Variants in NSMCE2 observed in about 807,000 individuals in gnomAD.
NSMCE2 encodes the protein NSE2 SUMO ligase component of SMC5/6 complex, also known as E3 SUMO-protein ligase NSE2.
A neutral mutation model predicts 23.8 loss-of-function variants in NSMCE2; 24 were observed. The ratio of observed to expected loss-of-function variants is 1.01; its 90% confidence interval spans 0.73 to 1.42. The LOEUF is 1.42. Ranked by LOEUF, NSMCE2 falls within the 40% of genes most tolerant of loss-of-function variation. NSMCE2 has a pLI of 0.00. For synonymous variants in NSMCE2, 92 were observed against 94.1 expected, an observed-to-expected ratio of 0.98 and a Z score of 0.13; for missense variants, 284 against 296.5, an observed-to-expected ratio of 0.96 and a Z score of 0.31.
intron 3 of NSMCE2, among the ~76,000 whole-genome samples, chr8:125,105,791 C>T (rs1433183650): frequency 2.0e-5 from 3 of 152,130 alleles, no homozygotes; most frequent in Non-Finnish European, 4.4e-5. Context: ...CTTAGTTTGT[C>T]AACCCCTGCT....
In NSMCE2 at chr8:125,104,036, G is replaced by A. The variant is rs1248102919; in HGVS notation, c.157+1549G>A. On this transcript the variant is annotated intron_variant, in intron 3 of 7. Coordinates refer to ENST00000287437, the MANE Select transcript of NSMCE2 (RefSeq NM_173685.4). Reference sequence around the variant, plus strand: ...CCGGAATTTTGCTCTTGTTGCCCAGGCTGGAGTGCAATGGTGCGATCTCGG... The same window carrying A: ...CCGGAATTTTGCTCTTGTTGCCCAGACTGGAGTGCAATGGTGCGATCTCGG... 8.0e-5 allele frequency among the ~76,000 whole-genome samples: 12 copies of A among 150,616 alleles called. No homozygotes were observed. In the East Asian group the frequency reaches 2.1e-3, roughly 27 times the overall value.
At position 125,182,264 on chromosome 8, in the gene NSMCE2, A is replaced by G; in HGVS notation, c.418+8A>G. 1.3e-6 allele frequency: 2 copies of G among 1,595,798 alleles called. No homozygotes were observed. Among genetic ancestry groups the G allele is most frequent in the Non-Finnish European group, 1.7e-6 (2 of 1,172,158 alleles). On this transcript the variant is annotated splice_region_variant and intron_variant, in intron 5 of 7. Coordinates refer to ENST00000287437, the MANE Select transcript of NSMCE2 (RefSeq NM_173685.4). ...AAGAACTAAAGAAGCAATGTAAGTC[A>G]ACATGCTTTGCTTTGGTTCGGCTTT...
At chr8:125,220,438 C>T (rs985141638) in intron 5 of NSMCE2, among the ~76,000 whole-genome samples, 2 of 151,976 alleles carry the variant, frequency 1.3e-5, no homozygotes, top group South Asian at 2.1e-4. Flanking sequence ...CCTGTGACAA[C>T]CTAAAACAAA....
intron 3 of NSMCE2, among the ~76,000 whole-genome samples, chr8:125,131,964 A>G (rs190742582): frequency 6.6e-6 from 1 of 152,342 alleles, no homozygotes; most frequent in African/African-American, 2.4e-5. Flanking sequence ...TATGTTAACA[A>G]CATTGTAAAA....
At chr8:125,196,483 A>G (rs940304341) in intron 5 of NSMCE2, among the ~76,000 whole-genome samples, 1 of 152,044 alleles carries the variant, frequency 6.6e-6, no homozygotes, top group East Asian at 1.9e-4. Context: ...ATAGTTTCCC[A>G]AGAATGATGG....
intron 5 of NSMCE2, among the ~76,000 whole-genome samples, chr8:125,215,661 G>T (rs1012114768): frequency 1.1e-4 from 16 of 152,094 alleles, no homozygotes; most frequent in Non-Finnish European, 2.4e-4. Context: ...GGTTTTTATG[G>T]TTTTAGGTCT....
intron 5 of NSMCE2, among the ~76,000 whole-genome samples, chr8:125,252,442 C>T (rs949872514): frequency 6.6e-6 from 1 of 152,152 alleles, no homozygotes. Flanking sequence ...AGGAGAATGG[C>T]GTGAACCCAG....
intron 3 of NSMCE2, chr8:125,130,065 A>G (rs1429549325): frequency 1.9e-5 from 6 of 317,254 alleles, no homozygotes; most frequent in Non-Finnish European, 3.8e-5. Context: ...GCATTTAATC[A>G]TCATCTTCGT....
chr8:125,272,072 G>GGC (rs1827223055), intron 5 of NSMCE2, among the ~76,000 whole-genome samples: 2 of 137,974 alleles, frequency 1.4e-5, no homozygotes, highest in Non-Finnish European at 3.0e-5. Context: ...GGAGTGCAAT[G>GGC]GCGCTATCTC....
intron 5 of NSMCE2, among the ~76,000 whole-genome samples, chr8:125,221,665 A>G (rs1824866099): frequency 6.6e-6 from 1 of 152,250 alleles, no homozygotes; most frequent in African/African-American, 2.4e-5. Context: ...GAAATATATT[A>G]GGGATAAGAC....
At chr8:125,335,606 C>G (rs1830044131) in intron 5 of NSMCE2, among the ~76,000 whole-genome samples, 1 of 152,128 alleles carries the variant, frequency 6.6e-6, no homozygotes, top group Non-Finnish European at 1.5e-5. Context: ...GGGTGATACT[C>G]CATGCAGTGA....
chr8:125,162,344 A>T (rs573988395), intron 4 of NSMCE2, among the ~76,000 whole-genome samples: 10 of 152,312 alleles, frequency 6.6e-5, no homozygotes, highest in African/African-American at 2.2e-4. Flanking sequence ...GAAACTGAAC[A>T]TGTTATACTA....
At chr8:125,224,830 A>G (rs1377689635) in intron 5 of NSMCE2, among the ~76,000 whole-genome samples, 1 of 152,186 alleles carries the variant, frequency 6.6e-6, no homozygotes, top group Non-Finnish European at 1.5e-5. Context: ...TATATTTACA[A>G]TTCAAACTCA....
At chr8:125,346,047 C>T (rs1830422253) in intron 5 of NSMCE2, among the ~76,000 whole-genome samples, 1 of 152,170 alleles carries the variant, frequency 6.6e-6, no homozygotes, top group Admixed American at 6.5e-5. Flanking sequence ...ATCCCAGCTA[C>T]TCAGGAGGCT....
intron 5 of NSMCE2, among the ~76,000 whole-genome samples, chr8:125,316,702 CCTT>C (rs1563780110): frequency 1.5e-5 from 1 of 64,712 alleles, no homozygotes; most frequent in Non-Finnish European, 4.5e-5. Context: ...TTCTTTCCTT[CCTT>C]CCTTCTTTCC....
chr8:125,187,548 A>T (rs1823160297), intron 5 of NSMCE2, among the ~76,000 whole-genome samples: 1 of 152,188 alleles, frequency 6.6e-6, no homozygotes, highest in Non-Finnish European at 1.5e-5. Context: ...GGAGAACTTA[A>T]TTAGAATGTG....
At position 125,366,848 on chromosome 8, in the gene NSMCE2, A is replaced by G; in HGVS notation, c.707A>G (p.Glu236Gly). The change falls in exon 8 of 8, where the codon GAG (glutamate) becomes GGG (glycine). Residue 236 changes from glutamate (E) to glycine (G), a missense_variant. Glu to Gly is a moderately conservative substitution (Grantham distance 98, BLOSUM62 -2). Coordinates refer to ENST00000287437, the MANE Select transcript of NSMCE2 (RefSeq NM_173685.4). ...GATGAAGCACTTAGAAGGGCAATTG[A>G]GAACCATAACAAGAAAAGACATCGT... ...IQDEALRRAI[E>G]NHNKKRHRHS... 1 of 1,612,506 alleles carries G rather than the reference A, an allele frequency of 6.2e-7. No individual in the cohort carries two copies.
chr8:125,200,542 C>T (rs372204793), intron 5 of NSMCE2, among the ~76,000 whole-genome samples: 60 of 152,078 alleles, frequency 3.9e-4, no homozygotes, highest in Admixed American at 3.4e-3. Flanking sequence ...CTGAGAGATC[C>T]GCTGTTAGTC....
intron 7 of NSMCE2, among the ~76,000 whole-genome samples, chr8:125,364,805 G>T (rs894969449): frequency 6.6e-6 from 1 of 152,160 alleles, no homozygotes; most frequent in African/African-American, 2.4e-5. Flanking sequence ...GGAAATAAGG[G>T]TTCTCTCCCC....
Sources: gnomAD v4.1 joint callset for allele counts (sites outside exome capture counted in the v4.1 genomes callset) on GRCh38, gnomAD v4.1.1 for gene constraint, MANE v1.5 for transcripts, NCBI Gene and HGNC (gene_info 2026-07-23, HGNC 2026-07-21) for gene names.